Variants in NCOR1 observed in about 807,000 individuals in gnomAD.
NCOR1 encodes the protein protein phosphatase 1, regulatory subunit 109.
NCOR1 carries 63 observed loss-of-function variants against 288.1 expected under a neutral mutation model. The observed-to-expected ratio is 0.22, with a 90% CI of 0.18 to 0.27. The LOEUF (loss-of-function observed/expected upper bound fraction) is 0.27, where lower values mean the gene tolerates loss of function less well. NCOR1 is among the 10% of genes least tolerant of loss of function. NCOR1 has a pLI of 1.00. For synonymous variants in NCOR1, 1,007 were observed against 1,065.9 expected (o/e 0.94, Z 1.08); for missense variants, 2,397 against 3,019.2 (o/e 0.79, Z 4.83).
At chr17:16,125,156 G>A (rs1482955212) in intron 15 of NCOR1, among the ~76,000 whole-genome samples, 2 of 152,146 alleles carry the variant, frequency 1.3e-5, no homozygotes, top group African/African-American at 2.4e-5. Context: ...CTGAGGTCAG[G>A]AGTTCAAGAT....
intron 6 of NCOR1, among the ~76,000 whole-genome samples, chr17:16,158,405 A>G (rs1456025430): frequency 6.6e-6 from 1 of 152,244 alleles, no homozygotes; most frequent in African/African-American, 2.4e-5. Context: ...ATTAAACATC[A>G]TTTATTAAGT....
intron 3 of NCOR1, among the ~76,000 whole-genome samples, chr17:16,175,856 G>A (rs2084057840): frequency 6.6e-6 from 1 of 151,750 alleles, no homozygotes; most frequent in Admixed American, 6.6e-5. Flanking sequence ...AAAAAAGATG[G>A]GTTTATGGCT....
chr17:16,136,730 C>T (rs562485134), intron 14 of NCOR1, among the ~76,000 whole-genome samples: 1 of 150,856 alleles, frequency 6.6e-6, no homozygotes, highest in East Asian at 2.0e-4. Context: ...TCGATTGAAC[C>T]CAGGAGGCGG....
chr17:16,042,988 G>A (rs941078661), intron 42 of NCOR1, among the ~76,000 whole-genome samples: 3 of 152,012 alleles, frequency 2.0e-5, no homozygotes, highest in Non-Finnish European at 2.9e-5. Context: ...AGGAGAAAGG[G>A]GCTAAGAAGT....
chr17:16,161,588 G>T (rs2080873681), intron 5 of NCOR1, among the ~76,000 whole-genome samples: 1 of 152,114 alleles, frequency 6.6e-6, no homozygotes, highest in Non-Finnish European at 1.5e-5. Flanking sequence ...GAGCCACCGA[G>T]CCTGGCCCTG....
At position 16,086,369 on chromosome 17, in the gene NCOR1, G is replaced by C. The variant is rs769981932; in HGVS notation, c.3090C>G (p.Thr1030=). 2 of 1,614,108 alleles carry C rather than the reference G, an allele frequency of 1.2e-6. No homozygotes were observed. The highest frequency in any genetic ancestry group is 1.7e-6 in the Non-Finnish European group (2 of 1,179,970). ...ACGGGATGAGAGGGGGCGGTGGCCTGGTTGGTCGAGTTGTCGGAAGCCGAA... is the reference window on the plus strand; with the variant it reads ...ACGGGATGAGAGGGGGCGGTGGCCTCGTTGGTCGAGTTGTCGGAAGCCGAA... The part of the protein sequence containing the change: ...EGVRLPTTRP[T]RPPPPLIPSS... The change falls in exon 23 of 46, where the codon ACC becomes ACG. Residue 1030 remains threonine, a synonymous_variant. Coordinates refer to ENST00000268712, the MANE Select transcript of NCOR1 (RefSeq NM_006311.4).
At chr17:16,114,153 A>ACAAC (rs1473386585) in intron 18 of NCOR1, among the ~76,000 whole-genome samples, 2 of 133,290 alleles carry the variant, frequency 1.5e-5, no homozygotes, top group Non-Finnish European at 3.4e-5. Flanking sequence ...CAAAAAAAAA[A>ACAAC]AAAAAAAAAA....
At chr17:16,060,432 T>C (rs911019144) in intron 37 of NCOR1, among the ~76,000 whole-genome samples, 1 of 152,230 alleles carries the variant, frequency 6.6e-6, no homozygotes, top group Non-Finnish European at 1.5e-5. Context: ...AAAAGACCTA[T>C]TCATACAACT....
At position 16,071,410 on chromosome 17, in the gene NCOR1, T is replaced by C; in HGVS notation, c.4151A>G (p.Gln1384Arg). Residue 1384 changes from glutamine (Q) to arginine (R), a missense_variant and splice_region_variant, in exon 30 of 46, where the codon CAG becomes CGG. Physicochemically the swap from Gln to Arg is conservative, Grantham distance 43 (BLOSUM62 1). This residue lies in a region of NCOR1 where 1,872 missense variants were observed against 2,187.8 expected (regional missense o/e 0.86). Transcript: ENST00000268712. ...CAAAAAGAGCCAAAACTTAGTTACC[T>C]GGGAAATGGAACCCTCAATTATCGG... is the stretch of plus-strand genomic sequence containing the variant. ...TRPIIEGSIS[Q>R]GTPIKFDNNS... 1 of 1,607,080 alleles carries C rather than the reference T, an allele frequency of 6.2e-7. No homozygotes were observed. The highest frequency in any genetic ancestry group is 1.3e-5 in the African/African-American group (1 of 74,634).
intron 45 of NCOR1, among the ~76,000 whole-genome samples, chr17:16,034,298 C>T (rs903505170): frequency 1.3e-5 from 2 of 152,080 alleles, no homozygotes; most frequent in African/African-American, 2.4e-5. Flanking sequence ...TATGTGCATT[C>T]AGTTTCTATT....
At position 16,038,990 on chromosome 17, in the gene NCOR1, C is replaced by A. The variant is rs191115242; in HGVS notation, c.6955+443G>T. On this transcript the variant is annotated intron_variant, in intron 44 of 45. Transcript: ENST00000268712. ...TTCACCATGTTGGCCAGGATGGTCT[C>A]GATCTCTTGACCTTGTGATCCGCCC... is the stretch of plus-strand genomic sequence containing the variant. Among the ~76,000 whole-genome samples the A allele has an allele frequency of 1.8e-4, 28 of 152,142 alleles. 1 individual carries two copies. Among genetic ancestry groups the A allele is most frequent in the Non-Finnish European group, 1.5e-5 (1 of 68,028 alleles).
At chr17:16,133,619 T>C (rs1013078077) in intron 14 of NCOR1, among the ~76,000 whole-genome samples, 1 of 152,240 alleles carries the variant, frequency 6.6e-6, no homozygotes, top group East Asian at 1.9e-4. Context: ...TTTTTCTATA[T>C]AGCAAATTCT....
chr17:16,111,222 C>T (rs886444823), intron 18 of NCOR1, among the ~76,000 whole-genome samples: 44 of 152,338 alleles, frequency 2.9e-4, no homozygotes, highest in Non-Finnish European at 4.1e-4. Flanking sequence ...CAATAATTCA[C>T]TACGTTGCCA....
intron 2 of NCOR1, among the ~76,000 whole-genome samples, chr17:16,187,549 A>G (rs1301850487): frequency 6.6e-6 from 1 of 151,956 alleles, no homozygotes; most frequent in African/African-American, 2.4e-5. Context: ...TTAAAAAAAA[A>G]AAAAAAGGTC....
intron 40 of NCOR1, among the ~76,000 whole-genome samples, chr17:16,050,382 T>C (rs2059168841): frequency 6.6e-6 from 1 of 151,906 alleles, no homozygotes; most frequent in Non-Finnish European, 1.5e-5. Flanking sequence ...ACCACCACAC[T>C]TGGCTGATTT....
intron 27 of NCOR1, 105 bp from the exon 28 acceptor site, chr17:16,073,674 A>C (rs2062024522): frequency 2.2e-6 from 2 of 929,854 alleles, no homozygotes; most frequent in Non-Finnish European, 2.9e-6. Flanking sequence ...ATAATATTAA[A>C]ACTTGTCTTA....
intron 14 of NCOR1, among the ~76,000 whole-genome samples, chr17:16,133,490 T>C (rs2075963727): frequency 6.6e-6 from 1 of 152,162 alleles, no homozygotes; most frequent in Non-Finnish European, 1.5e-5. Flanking sequence ...AGTAAAGTGA[T>C]TTTCAAATTA....
At chr17:16,132,914 C>T (rs1004493629) in intron 14 of NCOR1, among the ~76,000 whole-genome samples, 3 of 150,800 alleles carry the variant, frequency 2.0e-5, no homozygotes, top group African/African-American at 4.9e-5. Flanking sequence ...CCCTCCCTCC[C>T]TTCCTTCTTC....
In NCOR1 at chr17:16,067,973, G is replaced by A. The variant is rs112378396; in HGVS notation, c.4662C>T (p.Ser1554=). The A allele has an allele frequency of 6.2e-7, 1 of 1,614,236 alleles. No homozygotes were observed. Among genetic ancestry groups the A allele is most frequent in the Non-Finnish European group, 8.5e-7 (1 of 1,180,034 alleles). The part of the protein sequence containing the change: ...HSPFDPHHRG[S]TAGEVYRSHL... ...GGCTCCGATAAACCTCGCCTGCAGT[G>A]CTGCCTCTGTGATGGGGATCAAACG... Residue 1554 remains serine, a synonymous_variant, in exon 32 of 46, where the codon AGC becomes AGT. Coordinates refer to ENST00000268712, the MANE Select transcript of NCOR1 (RefSeq NM_006311.4).
Sources: gnomAD v4.1 joint callset for allele counts (sites outside exome capture counted in the v4.1 genomes callset) on GRCh38, gnomAD v4.1.1 for gene constraint, gnomAD v4.1.1 regional missense constraint, MANE v1.5 for transcripts, NCBI Gene and HGNC (gene_info 2026-07-23, HGNC 2026-07-21) for gene names.